Variants in SCP2 observed in about 807,000 individuals in gnomAD.
SCP2 encodes the protein sterol carrier protein 2.
Under a neutral mutation model 71.4 loss-of-function variants are expected in SCP2, and 48 were observed. The ratio of observed to expected loss-of-function variants is 0.67; its 90% CI spans 0.53 to 0.86. The LOEUF (loss-of-function observed/expected upper bound fraction) is 0.86. SCP2 is among the 40% of genes least tolerant of loss of function. SCP2 has a pLI of 0.00. For missense variants in SCP2, 560 were observed against 655.6 expected, an observed-to-expected ratio of 0.85 and a Z score of 1.59; for synonymous variants, 220 against 218.1, an observed-to-expected ratio of 1.01 and a Z score of -0.08.
intron 11 of SCP2, chr1:52,994,836 T>G (rs1038535458): frequency 2.0e-6 from 1 of 510,284 alleles, no homozygotes; most frequent in African/African-American, 2.0e-5. Context: ...GCACCTAACA[T>G]GGGGACAGCG....
At chr1:53,037,896 A>G (rs1345959165) in intron 13 of SCP2, among the ~76,000 whole-genome samples, 4,189 of 109,576 alleles carry the variant, frequency 0.038, 143 homozygotes, top group African/African-American at 0.11. Flanking sequence ...ACACACACAC[A>G]CACACACACA....
chr1:53,004,077 A>G (rs1660479799), intron 11 of SCP2, among the ~76,000 whole-genome samples: 1 of 152,178 alleles, frequency 6.6e-6, no homozygotes, highest in African/African-American at 2.4e-5. Flanking sequence ...TCTAATAACA[A>G]AGATAGCTAC....
intron 3 of SCP2, among the ~76,000 whole-genome samples, chr1:52,949,577 G>A (rs1013515373): frequency 7.2e-5 from 11 of 152,130 alleles, no homozygotes; most frequent in African/African-American, 1.9e-4. Flanking sequence ...TGGCTGGAAC[G>A]GGACCTCACA....
chr1:52,993,894 G>A (rs935824405), intron 11 of SCP2: 1 of 1,436,832 alleles, frequency 7.0e-7, no homozygotes, highest in South Asian at 1.4e-5. Flanking sequence ...TTTTGGAGAG[G>A]ACACCACTGC....
intron 13 of SCP2, among the ~76,000 whole-genome samples, chr1:53,028,977 T>C (rs1489756772): frequency 6.6e-6 from 1 of 152,164 alleles, no homozygotes; most frequent in Non-Finnish European, 1.5e-5. Flanking sequence ...GGTTTCACCA[T>C]GTTGGTCAGG....
chr1:52,971,228 G>A (rs1371431709), intron 6 of SCP2, among the ~76,000 whole-genome samples: 1 of 151,902 alleles, frequency 6.6e-6, no homozygotes, highest in African/African-American at 2.4e-5. Context: ...CACCCGCCTC[G>A]GCCTCCCAAA....
At chr1:52,957,062 A>G (rs1355713599) in intron 5 of SCP2, among the ~76,000 whole-genome samples, 1 of 152,106 alleles carries the variant, frequency 6.6e-6, no homozygotes, top group Non-Finnish European at 1.5e-5. Context: ...GGTGCCCGCC[A>G]CCACGCCTGG....
At chr1:52,962,971 G>A (rs1656611730) in intron 6 of SCP2, among the ~76,000 whole-genome samples, 4 of 151,192 alleles carry the variant, frequency 2.6e-5, no homozygotes, top group Admixed American at 2.6e-4. Context: ...ACAAAAGCAT[G>A]GATTTTTATT....
chr1:52,966,893 A>C (rs533310199), intron 6 of SCP2, among the ~76,000 whole-genome samples: 1 of 147,434 alleles, frequency 6.8e-6, no homozygotes, highest in East Asian at 2.1e-4. Context: ...ACTCCGTCTT[A>C]AAAAGAAATA....
At chr1:52,947,546 A>G (rs1198794816) in intron 2 of SCP2, among the ~76,000 whole-genome samples, 2 of 152,166 alleles carry the variant, frequency 1.3e-5, no homozygotes, top group African/African-American at 2.4e-5. Context: ...CACTTTTGAT[A>G]GCATCCTTAA....
At position 53,012,096 on chromosome 1, in the gene SCP2, A is replaced by G. The variant is rs929771476; in HGVS notation, c.1082-2794A>G. The stretch of plus-strand genomic sequence containing the variant: ...AGCCAGTCATAAAACCTAGAATACT[A>G]CTATAACTTCCCTTCACCTTTCTGT... On this transcript the variant is annotated intron_variant, in intron 11 of 15. Coordinates refer to ENST00000371514, the MANE Select transcript of SCP2 (RefSeq NM_002979.5). Among the ~76,000 whole-genome samples the G allele has an allele frequency of 2.6e-5, 4 of 152,138 alleles. No homozygotes were observed. The East Asian group carries it at 5.8e-4, about 22-fold the overall frequency.
At chr1:52,991,353 CTTGT>C (rs995139148) in intron 11 of SCP2, among the ~76,000 whole-genome samples, 23 of 151,590 alleles carry the variant, frequency 1.5e-4, no homozygotes, top group Non-Finnish European at 5.9e-5. Context: ...TTAACTGGTT[CTTGT>C]TTGTTTGTTT....
At chr1:52,989,484 GA>G (rs1659281963) in intron 11 of SCP2, among the ~76,000 whole-genome samples, 1 of 152,102 alleles carries the variant, frequency 6.6e-6, no homozygotes, top group African/African-American at 2.4e-5. Context: ...CTGTAGCCTT[GA>G]AAACCTACAG....
chr1:53,031,455 G>GC (rs1662540500), intron 13 of SCP2, among the ~76,000 whole-genome samples: 1 of 152,206 alleles, frequency 6.6e-6, no homozygotes, highest in Non-Finnish European at 1.5e-5. Context: ...AGCAAAGGCA[G>GC]CCTGGCAAAA....
intron 11 of SCP2, among the ~76,000 whole-genome samples, chr1:53,002,803 G>A (rs1208842794): frequency 3.3e-5 from 5 of 152,122 alleles, no homozygotes; most frequent in Admixed American, 1.3e-4. Flanking sequence ...AAGAATTTGG[G>A]TGAAAATGAT....
rs115652156 is a variant in SCP2, at chr1:52,992,687, A to C, written c.1081+4551A>C. Among the ~76,000 whole-genome samples, 951 of 152,324 alleles carry C rather than the reference A, an allele frequency of 6.2e-3. 14 individuals are homozygous for C. The highest frequency in any genetic ancestry group is 0.022 in the African/African-American group (914 of 41,572). On this transcript the variant is annotated intron_variant, in intron 11 of 15. Transcript: ENST00000371514. Reference sequence around the variant, plus strand: ...CACCAGAAAACAAAAGTTGTAGTATAAGTAAAGGTCTGAGATGGTTCACTT... The same window carrying C: ...CACCAGAAAACAAAAGTTGTAGTATCAGTAAAGGTCTGAGATGGTTCACTT...
chr1:52,963,586 T>C (rs1656671093), intron 6 of SCP2: 1 of 152,208 alleles, frequency 6.6e-6, no homozygotes, highest in African/African-American at 2.4e-5. Flanking sequence ...TAGCAGAGCC[T>C]ATGTTCCATT....
intron 13 of SCP2, among the ~76,000 whole-genome samples, chr1:53,035,835 A>G (rs1408019902): frequency 1.3e-5 from 2 of 152,082 alleles, no homozygotes; most frequent in African/African-American, 4.8e-5. Flanking sequence ...CATTTAACAG[A>G]TAAGATAACC....
At chr1:53,009,768 T>C (rs532493929) in intron 11 of SCP2, among the ~76,000 whole-genome samples, 4,286 of 152,206 alleles carry the variant, frequency 0.028, 98 homozygotes, top group Middle Eastern at 0.071. Context: ...AAAGCCAAAA[T>C]TGACAAATGG....
Sources: gnomAD v4.1 joint callset for allele counts (sites outside exome capture counted in the v4.1 genomes callset) on GRCh38, gnomAD v4.1.1 for gene constraint, MANE v1.5 for transcripts, NCBI Gene and HGNC (gene_info 2026-07-23, HGNC 2026-07-21) for gene names.